The following ULK4 variants were observed in gnomAD, a reference collection of about 807,000 sequenced individuals.
ULK4 encodes the protein inactive serine/threonine-protein kinase ULK4.
In ULK4, 133 loss-of-function variants were observed where a neutral mutation model predicts 160.6. The ratio of observed to expected loss-of-function variants is 0.83; its 90% confidence interval spans 0.72 to 0.96. The LOEUF (loss-of-function observed/expected upper bound fraction) is 0.96. Ranked by LOEUF, ULK4 falls within the 40% of genes least tolerant of loss-of-function variation. The pLI is 0.00. For missense variants in ULK4, 1,580 were observed against 1,499.5 expected, an observed-to-expected ratio of 1.05 and a Z score of -0.89; for synonymous variants, 534 against 539.8, an observed-to-expected ratio of 0.99 and a Z score of 0.15.
intron 29 of ULK4, among the ~76,000 whole-genome samples, chr3:41,680,543 T>C (rs1444681392): frequency 6.6e-6 from 1 of 152,206 alleles, no homozygotes; most frequent in Non-Finnish European, 1.5e-5. Context: ...ATTTCAGTTA[T>C]TTGGGTTTTC....
intron 30 of ULK4, among the ~76,000 whole-genome samples, chr3:41,636,800 T>C (rs1470019056): frequency 6.8e-6 from 1 of 147,618 alleles, no homozygotes; most frequent in Non-Finnish European, 1.5e-5. Flanking sequence ...TTGTTTTAAA[T>C]AACATTTTAA....
intron 33 of ULK4, among the ~76,000 whole-genome samples, chr3:41,456,689 A>G (rs2125872829): frequency 6.6e-6 from 1 of 152,330 alleles, no homozygotes; most frequent in Non-Finnish European, 1.5e-5. Flanking sequence ...TATAATATGT[A>G]GACGCCCTTC....
chr3:41,769,966 T>C (rs1169745442), intron 21 of ULK4, among the ~76,000 whole-genome samples: 4 of 152,162 alleles, frequency 2.6e-5, no homozygotes, highest in Admixed American at 2.6e-4. Flanking sequence ...CTGACACTAT[T>C]TTCCTATTTA....
chr3:41,881,418 G>A (rs1212700117), intron 17 of ULK4, among the ~76,000 whole-genome samples: 1 of 151,858 alleles, frequency 6.6e-6, no homozygotes, highest in Non-Finnish European at 1.5e-5. Flanking sequence ...TTTTTCTGGT[G>A]CTTGAATGAC....
intron 32 of ULK4, among the ~76,000 whole-genome samples, chr3:41,468,694 C>T (rs755700804): frequency 6.6e-6 from 1 of 152,120 alleles, no homozygotes; most frequent in Non-Finnish European, 1.5e-5. Flanking sequence ...ACTACCTTTC[C>T]ACCTCCCAGA....
chr3:41,591,971 C>A (rs1000843616), intron 31 of ULK4, among the ~76,000 whole-genome samples: 8 of 152,204 alleles, frequency 5.3e-5, no homozygotes, highest in Non-Finnish European at 1.0e-4. Context: ...GACTGCAGCT[C>A]CCAGTTGGAT....
At chr3:41,850,403 G>T (rs2125672787) in intron 17 of ULK4, among the ~76,000 whole-genome samples, 1 of 152,134 alleles carries the variant, frequency 6.6e-6, no homozygotes, top group Non-Finnish European at 1.5e-5. Flanking sequence ...TTCCACAATG[G>T]TTGAACTAGT....
chr3:41,881,681 T>C (rs1697526905), intron 17 of ULK4, among the ~76,000 whole-genome samples: 1 of 152,196 alleles, frequency 6.6e-6, no homozygotes, highest in African/African-American at 2.4e-5. Flanking sequence ...GATAGTTCAG[T>C]ACACGCCATT....
intron 27 of ULK4, among the ~76,000 whole-genome samples, chr3:41,693,061 T>C (rs1275997774): frequency 6.6e-6 from 1 of 152,240 alleles, no homozygotes; most frequent in Non-Finnish European, 1.5e-5. Flanking sequence ...AACCTTATTT[T>C]ACTTGTTCTT....
chr3:41,600,139 A>G (rs2031966587), intron 31 of ULK4, among the ~76,000 whole-genome samples: 1 of 152,190 alleles, frequency 6.6e-6, no homozygotes, highest in South Asian at 2.1e-4. Context: ...AGCACAGACT[A>G]AAAGCTTGTC....
At chr3:41,360,472 C>T (rs761324323) in intron 35 of ULK4, among the ~76,000 whole-genome samples, 9 of 152,142 alleles carry the variant, frequency 5.9e-5, no homozygotes, top group Non-Finnish European at 1.0e-4. Flanking sequence ...CGTGTATGCT[C>T]ACTGCAGCGC....
At position 41,877,487 on chromosome 3, in the gene ULK4, C is replaced by A. The variant is rs556952042; in HGVS notation, c.1656+6387G>T. ...GATTACAGGCGTGCATCACTATGCT[C>A]GGCTAATTTTTGTATTTTTAGTAGA... On this transcript the variant is annotated intron_variant, in intron 17 of 36. Transcript: ENST00000301831. Among the ~76,000 whole-genome samples the A allele has an allele frequency of 1.2e-3, 187 of 151,628 alleles. 1 individual carries two copies. The highest frequency in any genetic ancestry group is 4.3e-3 in the African/African-American group (176 of 41,350).
chr3:41,374,584 A>G (rs548495273), intron 35 of ULK4, among the ~76,000 whole-genome samples: 2 of 152,328 alleles, frequency 1.3e-5, no homozygotes, highest in African/African-American at 4.8e-5. Flanking sequence ...ATAAAATTCA[A>G]CACCTCTTCA....
intron 32 of ULK4, among the ~76,000 whole-genome samples, chr3:41,523,245 G>T (rs2085997169): frequency 6.6e-6 from 1 of 152,114 alleles, no homozygotes; most frequent in African/African-American, 2.4e-5. Context: ...GGCCCTAAAA[G>T]AATCCAGCAC....
intron 22 of ULK4, among the ~76,000 whole-genome samples, chr3:41,742,223 G>C (rs1397662232): frequency 6.6e-6 from 1 of 151,918 alleles, no homozygotes; most frequent in African/African-American, 2.4e-5. Flanking sequence ...AAGCAGAATA[G>C]GGAGCTAATA....
At chr3:41,691,556 C>T (rs957121860) in intron 27 of ULK4, among the ~76,000 whole-genome samples, 3 of 151,918 alleles carry the variant, frequency 2.0e-5, no homozygotes, top group African/African-American at 7.2e-5. Context: ...TTTGCCACCA[C>T]TAACAATACC....
intron 18 of ULK4, among the ~76,000 whole-genome samples, chr3:41,824,957 G>C (rs1191651029): frequency 6.6e-6 from 1 of 152,184 alleles, no homozygotes; most frequent in Non-Finnish European, 1.5e-5. Context: ...GTACTCCTCT[G>C]AGACAAAACT....
chr3:41,844,337 C>A (rs369078917), intron 17 of ULK4, among the ~76,000 whole-genome samples: 3 of 152,162 alleles, frequency 2.0e-5, no homozygotes, highest in Non-Finnish European at 4.4e-5. Context: ...TAAGGCCGGG[C>A]GAGAAATCGA....
At chr3:41,813,327 A>T in intron 19 of ULK4, among the ~76,000 whole-genome samples, 1 of 152,364 alleles carries the variant, frequency 6.6e-6, no homozygotes, top group South Asian at 2.1e-4. Flanking sequence ...TAAAAATTTG[A>T]AATTCAGAAC....
Sources: gnomAD v4.1 joint callset for allele counts (sites outside exome capture counted in the v4.1 genomes callset) on GRCh38, gnomAD v4.1.1 for gene constraint, MANE v1.5 for transcripts, NCBI Gene and HGNC (gene_info 2026-07-23, HGNC 2026-07-21) for gene names.